Variants in PPARGC1A observed in about 807,000 individuals in gnomAD.
The protein encoded by PPARGC1A is PPARG coactivator 1 alpha, also known as peroxisome proliferator-activated receptor gamma coactivator 1-alpha.
A neutral mutation model predicts 88.7 loss-of-function variants in PPARGC1A; 25 were observed. That is an observed-to-expected ratio of 0.28 (90% CI 0.21 to 0.39). The LOEUF is 0.39. Ranked by LOEUF, PPARGC1A falls within the 10% of genes least tolerant of loss-of-function variation. The probability of loss-of-function intolerance (pLI) is 1.00; values close to 1 mark genes in which losing one functional copy is unlikely to be tolerated. For synonymous variants in PPARGC1A, 363 were observed against 355.6 expected, an observed-to-expected ratio of 1.02 and a Z score of -0.24; for missense variants, 880 against 968.7, an observed-to-expected ratio of 0.91 and a Z score of 1.22.
chr4:23,958,731 G>A, the PPARGC1A span, among the ~76,000 whole-genome samples: 4 of 151,928 alleles, frequency 2.6e-5, no homozygotes, highest in African/African-American at 9.7e-5. Flanking sequence ...ATTATCTCTA[G>A]AAAGTGTTAA....
chr4:24,021,876 T>C, the PPARGC1A span, among the ~76,000 whole-genome samples: 1 of 152,156 alleles, frequency 6.6e-6, no homozygotes, highest in Non-Finnish European at 1.5e-5. Flanking sequence ...GGGGAGCCCA[T>C]TAAAATGGGC....
intron 2 of PPARGC1A, among the ~76,000 whole-genome samples, chr4:23,867,691 C>T (rs548157952): frequency 1.3e-5 from 2 of 152,310 alleles, no homozygotes; most frequent in African/African-American, 4.8e-5. Context: ...TCATTCACAA[C>T]TTCTGAAAGA....
At chr4:24,297,508 C>G in the PPARGC1A span, among the ~76,000 whole-genome samples, 3 of 151,908 alleles carry the variant, frequency 2.0e-5, no homozygotes, top group Non-Finnish European at 2.9e-5. Context: ...TAGAGGCCAA[C>G]GAACAAATTA....
At chr4:24,083,835 C>G in the PPARGC1A span, among the ~76,000 whole-genome samples, 2 of 152,328 alleles carry the variant, frequency 1.3e-5, no homozygotes, top group Non-Finnish European at 2.9e-5. Context: ...AGAATGAGTA[C>G]AACTCAAGGG....
At chr4:24,338,834 T>A in the PPARGC1A span, among the ~76,000 whole-genome samples, 2 of 152,092 alleles carry the variant, frequency 1.3e-5, no homozygotes, top group African/African-American at 4.8e-5. Flanking sequence ...CACTGGGATG[T>A]TAGCCTCCCT....
At chr4:23,934,540 G>T in the PPARGC1A span, among the ~76,000 whole-genome samples, 2 of 152,172 alleles carry the variant, frequency 1.3e-5, no homozygotes, top group Non-Finnish European at 2.9e-5. Flanking sequence ...GTAATCTGTG[G>T]AATGATGGAG....
At chr4:24,211,051 A>C in the PPARGC1A span, among the ~76,000 whole-genome samples, 2 of 152,186 alleles carry the variant, frequency 1.3e-5, no homozygotes, top group African/African-American at 4.8e-5. Context: ...TTGCTTACTT[A>C]CTTACTTGTA....
chr4:23,842,218 G>A (rs1375418691), intron 2 of PPARGC1A, among the ~76,000 whole-genome samples: 2 of 152,166 alleles, frequency 1.3e-5, no homozygotes, highest in Non-Finnish European at 2.9e-5. Context: ...CATGCAGAAA[G>A]AGGAGGTTGC....
the PPARGC1A span, among the ~76,000 whole-genome samples, chr4:24,260,424 CAT>C: frequency 6.6e-6 from 1 of 152,214 alleles, no homozygotes; most frequent in Non-Finnish European, 1.5e-5. Context: ...TTTACTTGCA[CAT>C]TAATAAAACT....
chr4:23,966,034 C>A, the PPARGC1A span, among the ~76,000 whole-genome samples: 1 of 152,282 alleles, frequency 6.6e-6, no homozygotes, highest in Admixed American at 6.5e-5. Flanking sequence ...GAGCTCTACA[C>A]AATTATCAGC....
intron 7 of PPARGC1A, among the ~76,000 whole-genome samples, chr4:23,817,494 G>A (rs1194254425): frequency 1.3e-5 from 2 of 152,048 alleles, no homozygotes; most frequent in East Asian, 1.9e-4. Flanking sequence ...ATAGAAAAGC[G>A]CTTCTTTAAA....
At chr4:23,949,552 G>A in the PPARGC1A span, among the ~76,000 whole-genome samples, 17 of 152,266 alleles carry the variant, frequency 1.1e-4, no homozygotes, top group African/African-American at 4.1e-4. Flanking sequence ...TACGTCATGT[G>A]ATCACTCGTT....
At chr4:24,184,114 G>A in the PPARGC1A span, among the ~76,000 whole-genome samples, 1 of 152,104 alleles carries the variant, frequency 6.6e-6, no homozygotes, top group Non-Finnish European at 1.5e-5. Context: ...CTGGAATTGG[G>A]GATGAAAATT....
chr4:24,431,375 C>T, the PPARGC1A span, among the ~76,000 whole-genome samples: 1 of 152,090 alleles, frequency 6.6e-6, no homozygotes, highest in Non-Finnish European at 1.5e-5. Flanking sequence ...GAGATGTATA[C>T]AGGAAACCCC....
At chr4:24,194,668 A>AC in the PPARGC1A span, among the ~76,000 whole-genome samples, 3 of 12,264 alleles carry the variant, frequency 2.4e-4, no homozygotes, top group Non-Finnish European at 3.5e-4. Context: ...ACACACACAC[A>AC]CCCCCATCAA....
the PPARGC1A span, among the ~76,000 whole-genome samples, chr4:23,926,914 A>G: frequency 6.6e-6 from 1 of 152,208 alleles, no homozygotes; most frequent in Non-Finnish European, 1.5e-5. Context: ...TGTTATTCAT[A>G]TATATCTTCC....
the PPARGC1A span, among the ~76,000 whole-genome samples, chr4:24,080,022 T>TATTTATTA: frequency 5.8e-4 from 89 of 152,162 alleles, 1 homozygote; most frequent in African/African-American, 1.9e-3. Context: ...TTTTTAACTC[T>TATTTATTA]CTCATTATAT....
At chr4:23,955,172 C>T in the PPARGC1A span, among the ~76,000 whole-genome samples, 2 of 152,004 alleles carry the variant, frequency 1.3e-5, no homozygotes, top group African/African-American at 4.8e-5. Flanking sequence ...AGCATTCTCT[C>T]AAAACAGAAG....
the PPARGC1A span, among the ~76,000 whole-genome samples, chr4:24,311,086 C>CTT: frequency 1.8e-4 from 11 of 59,922 alleles, 2 homozygotes; most frequent in African/African-American, 6.6e-4. Flanking sequence ...TATAATAATT[C>CTT]TTTTTTTTTT....
Sources: allele counts gnomAD v4.1 joint callset (sites outside exome capture counted in the v4.1 genomes callset), GRCh38; gene constraint gnomAD v4.1.1; transcripts MANE v1.5; gene names NCBI Gene and HGNC (gene_info 2026-07-23, HGNC 2026-07-21).